The following TSNARE1 variants were observed in gnomAD, a reference collection of about 807,000 sequenced individuals.
TSNARE1 encodes the protein t-SNARE domain-containing protein 1.
A neutral mutation model predicts 62.0 loss-of-function variants in TSNARE1; 49 were observed. The observed-to-expected ratio is 0.79, with a 90% CI of 0.63 to 1.00. The LOEUF is 1.00. TSNARE1 is among the 50% of genes least tolerant of loss of function. The probability of loss-of-function intolerance (pLI) is 0.00; values close to 1 mark genes in which losing one functional copy is unlikely to be tolerated. For missense variants in TSNARE1, 755 were observed against 700.1 expected (o/e 1.08, Z -0.88); for synonymous variants, 328 against 294.4 (o/e 1.11, Z -1.17).
chr8:142,272,811 AG>A (rs1223876058), intron 12 of TSNARE1: 1 of 963,650 alleles, frequency 1.0e-6, no homozygotes, highest in African/African-American at 2.1e-5. Flanking sequence ...CACCGTGGGG[AG>A]GGCCCCTCGC....
chr8:142,233,285 C>A (rs1453378657), intron 12 of TSNARE1, among the ~76,000 whole-genome samples: 1 of 152,232 alleles, frequency 6.6e-6, no homozygotes, highest in Non-Finnish European at 1.5e-5. Flanking sequence ...GGGGCTCAGG[C>A]CCCTTTTACA....
intron 4 of TSNARE1, among the ~76,000 whole-genome samples, chr8:142,335,326 A>G (rs2129657139): frequency 6.6e-6 from 1 of 150,934 alleles, no homozygotes; most frequent in African/African-American, 2.4e-5. Flanking sequence ...CCACGTCAAC[A>G]AGGTGGGGTC....
At chr8:142,335,443 G>A (rs1026425143) in intron 4 of TSNARE1, among the ~76,000 whole-genome samples, 1 of 152,200 alleles carries the variant, frequency 6.6e-6, no homozygotes, top group South Asian at 2.1e-4. Context: ...CACCACACAG[G>A]ACATGATACG....
At chr8:142,325,265 T>A (rs192484822) in intron 6 of TSNARE1, among the ~76,000 whole-genome samples, 1 of 152,188 alleles carries the variant, frequency 6.6e-6, no homozygotes, top group African/African-American at 2.4e-5. Flanking sequence ...GTCAGGGTCA[T>A]GCTGGGCGGA....
chr8:142,263,537 CCT>C (rs747477507), intron 12 of TSNARE1, among the ~76,000 whole-genome samples: 7 of 152,226 alleles, frequency 4.6e-5, no homozygotes, highest in South Asian at 2.1e-4. Flanking sequence ...AGGAATTTCC[CCT>C]CTTTTTATTT....
At chr8:142,404,428 G>A (rs1838526862), upstream of TSNARE1, 1 of 152,320 alleles carries the variant, frequency 6.6e-6, no homozygotes, top group Admixed American at 6.5e-5. Flanking sequence ...GCGCAAACAT[G>A]GGAACGGTAG....
At chr8:142,227,654 T>C (rs931084144) in intron 13 of TSNARE1, among the ~76,000 whole-genome samples, 2 of 152,232 alleles carry the variant, frequency 1.3e-5, no homozygotes, top group African/African-American at 4.8e-5. Context: ...ATGCCCTGCC[T>C]AATGTGAACA....
At chr8:142,300,720 A>T (rs935641525) in intron 9 of TSNARE1, 76 bp from the exon 10 acceptor site, 2 of 1,519,562 alleles carry the variant, frequency 1.3e-6, no homozygotes, top group Admixed American at 1.8e-5. Context: ...AAATTCAACA[A>T]AATGGTGCTT....
chr8:142,270,080 A>G, intron 12 of TSNARE1: 1 of 985,416 alleles, frequency 1.0e-6, no homozygotes, highest in African/African-American at 1.7e-5. Flanking sequence ...GGGCCATGGG[A>G]GCCAGGCAGA....
intron 1 of TSNARE1, among the ~76,000 whole-genome samples, chr8:142,365,413 C>G (rs1362422880): frequency 6.6e-6 from 1 of 152,194 alleles, no homozygotes; most frequent in Non-Finnish European, 1.5e-5. Flanking sequence ...GAACACAACT[C>G]AAAAGGTCTG....
chr8:142,267,598 T>C (rs1271608748), intron 12 of TSNARE1, among the ~76,000 whole-genome samples: 6 of 152,148 alleles, frequency 3.9e-5, no homozygotes, highest in African/African-American at 7.2e-5. Flanking sequence ...TCAGTCTGTC[T>C]GTAAAATGGG....
At chr8:142,220,273 G>A (rs551636831) in intron 13 of TSNARE1, among the ~76,000 whole-genome samples, 1 of 152,314 alleles carries the variant, frequency 6.6e-6, no homozygotes, top group African/African-American at 2.4e-5. Context: ...CTGAGGCTCA[G>A]AGAGGGGAAG....
At chr8:142,299,706 ACT>A (rs1563859047) in intron 10 of TSNARE1, among the ~76,000 whole-genome samples, 1 of 151,772 alleles carries the variant, frequency 6.6e-6, no homozygotes, top group Admixed American at 6.6e-5. Context: ...ACACACACGC[ACT>A]CACGCACGCA....
chr8:142,214,687 C>G (rs1334216002), intron 13 of TSNARE1, among the ~76,000 whole-genome samples: 1 of 152,198 alleles, frequency 6.6e-6, no homozygotes, highest in African/African-American at 2.4e-5. Context: ...AAATAACCCC[C>G]AGGGTGATGC....
intron 1 of TSNARE1, among the ~76,000 whole-genome samples, chr8:142,369,122 C>A (rs547689302): frequency 6.6e-6 from 1 of 152,344 alleles, no homozygotes; most frequent in South Asian, 2.1e-4. Context: ...GCAGCTACTG[C>A]TGCAGGAGGG....
chr8:142,398,771 T>C (rs1485736901), intron 1 of TSNARE1, among the ~76,000 whole-genome samples: 16 of 152,182 alleles, frequency 1.1e-4, no homozygotes, highest in Non-Finnish European at 2.2e-4. Context: ...GACTTGCCAA[T>C]GACCCTGTCC....
chr8:142,252,146 C>CAGACAG (rs1818208861), intron 12 of TSNARE1, among the ~76,000 whole-genome samples: 9 of 152,270 alleles, frequency 5.9e-5, no homozygotes, highest in African/African-American at 2.2e-4. Context: ...TCTCTGTCTG[C>CAGACAG]AGGGCACGCA....
chr8:142,402,164 G>A (rs1252743549), intron 1 of TSNARE1, among the ~76,000 whole-genome samples: 2 of 152,192 alleles, frequency 1.3e-5, no homozygotes, highest in Non-Finnish European at 1.5e-5. Context: ...GAAAGAAAGG[G>A]CGCCAGGTGT....
At chr8:142,298,161 C>T (rs1200457017) in intron 10 of TSNARE1, among the ~76,000 whole-genome samples, 2 of 152,236 alleles carry the variant, frequency 1.3e-5, no homozygotes, top group Non-Finnish European at 2.9e-5. Flanking sequence ...GAGTTCAGTT[C>T]AGCCCAGAGC....
Sources: gnomAD v4.1 joint callset for allele counts (sites outside exome capture counted in the v4.1 genomes callset) on GRCh38, gnomAD v4.1.1 for gene constraint, MANE v1.5 for transcripts, NCBI Gene and HGNC (gene_info 2026-07-23, HGNC 2026-07-21) for gene names.